ZNF592: variants seen among roughly 807,000 people sequenced by gnomAD.
ZNF592 encodes the protein spinocerebellar ataxia, autosomal recessive 5.
In ZNF592, 11 loss-of-function variants were observed where a neutral mutation model predicts 80.3. The observed-to-expected ratio is 0.14, with a 90% CI of 0.09 to 0.23. The LOEUF (loss-of-function observed/expected upper bound fraction) is 0.23. Among genes scored for constraint, ZNF592 ranks in the 10% least tolerant of loss-of-function variants. The pLI is 1.00. For missense variants in ZNF592, 1,420 were observed against 1,633.9 expected (o/e 0.87, Z 2.26); for synonymous variants, 646 against 640.3 (o/e 1.01, Z -0.13).
rs924824846 is a variant in ZNF592 at position 84,778,241 on chromosome 15, G to A, written c.-91G>A. 14 of 260,986 alleles carry A rather than the reference G, an allele frequency of 5.4e-5. No individual in the cohort carries two copies. In the East Asian group the frequency reaches 5.7e-4, roughly 11 times the overall value. The allele number at this position is 260,986 out of a possible 1,614,324, so 16.2% of individuals were successfully genotyped here. On this transcript the variant is annotated 5_prime_UTR_variant, in exon 3 of 11. Transcript: ENST00000560079. The stretch of plus-strand genomic sequence containing the variant: ...GAAGACAGAAGGAAGACGCTCCCCC[G>A]TACGGAGACAGAGGGAGGGGGGGCT...
Position 84,778,266 on chromosome 15 carries a change from T to C in ZNF592, c.-66T>C. The stretch of plus-strand genomic sequence containing the variant: ...GTACGGAGACAGAGGGAGGGGGGGC[T>C]CCAAAGCCGAAAGAGGAGGTCCCTA... On this transcript the variant is annotated 5_prime_UTR_variant, in exon 3 of 11. Coordinates refer to ENST00000560079, the MANE Select transcript of ZNF592 (RefSeq NM_014630.3). The C allele has an allele frequency of 3.5e-6, 1 of 285,556 alleles. No individual in the cohort carries two copies. Among genetic ancestry groups the C allele is most frequent in the Non-Finnish European group, 7.0e-6 (1 of 143,624 alleles). The allele number at this position is 285,556 out of a possible 1,614,324, so 17.7% of individuals were successfully genotyped here. A position where few individuals can be genotyped will look rare whatever the true frequency, so the allele number is the denominator to read the frequency against.
In ZNF592 at chr15:84,784,851, C is replaced by T. The variant is rs1191900521; in HGVS notation, c.2176C>T (p.Leu726=). The stretch of plus-strand genomic sequence containing the variant: ...CAAGCAGATGCGGGACTACATGGTC[C>T]TGGCTGCACATTTCCAGAGGACAAC... The part of the protein sequence containing the change: ...CHKQMRDYMV[L]AAHFQRTTEE... The change falls in exon 4 of 11, where the codon CTG becomes TTG. Residue 726 remains leucine (L), a synonymous_variant. Transcript: ENST00000560079. This position sits in a 1 kb window ranked among gnomAD's most constrained non-coding sequence, Gnocchi z 5.8. 2.5e-6 allele frequency: 4 copies of T among 1,614,008 alleles called. No individual in the cohort carries two copies. In the African/African-American group the frequency reaches 4.0e-5, roughly 16 times the overall value.
In ZNF592 at chr15:84,764,779, A is replaced by AGTT. The variant is rs753618345; in HGVS notation, c.-186_-185insGTT. ...TCTCCGCAGCTCTGCTCCCCTAGCAACGCTCGCCACACCCTTGTTTTGAGA... is the reference window on the plus strand; with the variant it reads ...TCTCCGCAGCTCTGCTCCCCTAGCAAGTTCGCTCGCCACACCCTTGTTTTGAGA... On this transcript the variant is annotated 5_prime_UTR_variant, in exon 2 of 11. Coordinates refer to ENST00000560079, the MANE Select transcript of ZNF592 (RefSeq NM_014630.3). 1.3e-5 allele frequency: 5 copies of AGTT among 398,792 alleles called. No homozygotes were observed. Among genetic ancestry groups the AGTT allele is most frequent in the Non-Finnish European group, 2.2e-5 (5 of 226,060 alleles). 24.7% of individuals were successfully genotyped at this position (398,792 alleles called of 1,614,324 possible).
intron 3 of ZNF592, among the ~76,000 whole-genome samples, chr15:84,778,531 G>A (rs144052344): frequency 1.1e-3 from 168 of 152,316 alleles, no homozygotes; most frequent in Non-Finnish European, 1.4e-3. Context: ...CAAGAAGGCC[G>A]TGGGAATCTC....
At chr15:84,757,629 A>G (rs2141960741) in intron 1 of ZNF592, among the ~76,000 whole-genome samples, 1 of 148,852 alleles carries the variant, frequency 6.7e-6, no homozygotes, top group Non-Finnish European at 1.5e-5. Flanking sequence ...GTGGGATTAC[A>G]GGTGTGAGTC....
At chr15:84,790,218 G>A (rs1962707933) in intron 4 of ZNF592, among the ~76,000 whole-genome samples, 1 of 152,040 alleles carries the variant, frequency 6.6e-6, no homozygotes, top group Admixed American at 6.6e-5. Flanking sequence ...AATCAGGGTG[G>A]TCTCAGATCC....
In ZNF592 at chr15:84,802,158, CGGCAGCGGAGAT is replaced by C. The variant is rs1260240429; in HGVS notation, c.3575_3586del (p.Ala1192_Ala1195del). The C allele has an allele frequency of 6.2e-7, 1 of 1,602,790 alleles. No homozygotes were observed. The highest frequency in any genetic ancestry group is 8.5e-7 in the Non-Finnish European group (1 of 1,171,912). ...GAGGAGGAGGAGGAAGAGGAGGCGG[CGGCAGCGGAGAT>C]GGCAGTGGAGGTGGCAGAGCCAGAG... On this transcript the variant is annotated inframe_deletion, in exon 11 of 11. Coordinates refer to ENST00000560079, the MANE Select transcript of ZNF592 (RefSeq NM_014630.3).
At chr15:84,787,686 G>A (rs937733678) in intron 4 of ZNF592, among the ~76,000 whole-genome samples, 2 of 152,182 alleles carry the variant, frequency 1.3e-5, no homozygotes, top group Non-Finnish European at 2.9e-5. Context: ...CAGCCAGATG[G>A]ATATTGTCAT....
intron 2 of ZNF592, among the ~76,000 whole-genome samples, chr15:84,766,939 G>A (rs896221475): frequency 4.6e-5 from 7 of 152,024 alleles, no homozygotes; most frequent in African/African-American, 1.7e-4. Flanking sequence ...GATAAGACTG[G>A]TGGCACCCTC....
intron 10 of ZNF592, 136 bp downstream of exon 10, chr15:84,800,113 C>G (rs1318852159): frequency 4.6e-6 from 6 of 1,316,050 alleles, no homozygotes; most frequent in Admixed American, 3.6e-5. Context: ...ACTCTCTAGT[C>G]CTGTGTGACC....
In ZNF592 at chr15:84,802,158, C is replaced by G. The variant is rs557366252; in HGVS notation, c.3569C>G (p.Ala1190Gly). 3 of 1,602,910 alleles carry G rather than the reference C, an allele frequency of 1.9e-6. No individual in the cohort carries two copies. Among genetic ancestry groups the G allele is most frequent in the East Asian group, 4.5e-5 (2 of 44,616 alleles). The part of the protein sequence containing the change: ...DQEEEEEEEA[A>G]AAEMAVEVAE... Reference sequence around the variant, plus strand: ...GAGGAGGAGGAGGAAGAGGAGGCGGCGGCAGCGGAGATGGCAGTGGAGGTG... The same window carrying G: ...GAGGAGGAGGAGGAAGAGGAGGCGGGGGCAGCGGAGATGGCAGTGGAGGTG... Residue 1190 changes from alanine to glycine, a missense_variant, in exon 11 of 11, where the codon GCG (alanine) becomes GGG (glycine). Ala to Gly is a moderately conservative substitution (Grantham distance 60, BLOSUM62 0). Transcript: ENST00000560079.
chr15:84,757,551 G>T (rs1237456098), intron 1 of ZNF592, among the ~76,000 whole-genome samples: 2 of 151,876 alleles, frequency 1.3e-5, no homozygotes, highest in Non-Finnish European at 2.9e-5. Context: ...ACAGGATCTC[G>T]CTGTGTTGAC....
chr15:84,761,773 C>G (rs938281689), intron 1 of ZNF592, among the ~76,000 whole-genome samples: 6 of 152,200 alleles, frequency 3.9e-5, no homozygotes, highest in Non-Finnish European at 8.8e-5. Context: ...AGGCTTTCTT[C>G]TGAATCTGCA....
rs938949781 is a variant in ZNF592, at chr15:84,759,059, A to G, written c.-258-5648A>G. ...TCTCCCTATGCCCTTTGCCTTGCTA[A>G]AGGAACAACCTCAAGATTTTAAATA... On this transcript the variant is annotated intron_variant, in intron 1 of 10. Transcript: ENST00000560079. Among the ~76,000 whole-genome samples, 17 of 152,270 alleles carry G rather than the reference A, an allele frequency of 1.1e-4. No individual in the cohort carries two copies. In the South Asian group the frequency reaches 2.5e-3, roughly 22 times the overall value.
At chr15:84,748,876 C>A (rs1043473836) in intron 1 of ZNF592, among the ~76,000 whole-genome samples, 1 of 148,344 alleles carries the variant, frequency 6.7e-6, no homozygotes, top group Admixed American at 6.7e-5. Flanking sequence ...CCGCCCCCGG[C>A]CGTCGGGCGC....
intron 2 of ZNF592, among the ~76,000 whole-genome samples, chr15:84,766,743 GA>G (rs1341138963): frequency 6.6e-6 from 1 of 150,570 alleles, no homozygotes; most frequent in Non-Finnish European, 1.5e-5. Context: ...GTGTGTGTAA[GA>G]AAAGGGGAAT....
At chr15:84,800,067 G>A in intron 10 of ZNF592, 90 bp downstream of exon 10, 1 of 1,589,794 alleles carries the variant, frequency 6.3e-7, no homozygotes, top group Non-Finnish European at 8.6e-7. Context: ...TGTGGCCATG[G>A]AACAACCAGA....
intron 1 of ZNF592, 123 bp from the exon 2 acceptor site, chr15:84,764,583 AT>A: frequency 2.6e-6 from 1 of 387,976 alleles, no homozygotes; most frequent in South Asian, 1.4e-4. Context: ...ACATTTGGGG[AT>A]TTTTCTCAGG....
intron 1 of ZNF592, among the ~76,000 whole-genome samples, chr15:84,760,967 G>GTT (rs1029608381): frequency 6.9e-6 from 1 of 145,168 alleles, no homozygotes; most frequent in East Asian, 2.0e-4. Context: ...ACAGGAAGAA[G>GTT]TTTTTTTTTT....
Sources: allele counts gnomAD v4.1 joint callset (sites outside exome capture counted in the v4.1 genomes callset), GRCh38; gene constraint gnomAD v4.1.1; non-coding constraint Gnocchi (gnomAD v3.1); transcripts MANE v1.5; gene names NCBI Gene and HGNC (gene_info 2026-07-23, HGNC 2026-07-21).